The following ST3GAL5 variants were observed in gnomAD, a reference collection of about 807,000 sequenced individuals.
The protein encoded by ST3GAL5 is ST3 beta-galactoside alpha-2,3-sialyltransferase 5.
A neutral mutation model predicts 46.1 loss-of-function variants in ST3GAL5; 25 were observed. The ratio of observed to expected loss-of-function variants is 0.54; its 90% CI spans 0.40 to 0.76. The LOEUF (loss-of-function observed/expected upper bound fraction) is 0.76. Ranked by LOEUF, ST3GAL5 falls within the 30% of genes least tolerant of loss-of-function variation. The pLI, the probability that ST3GAL5 is intolerant of heterozygous loss-of-function variation, is 0.00. For synonymous variants in ST3GAL5, 182 were observed against 192.7 expected, an observed-to-expected ratio of 0.94 and a Z score of 0.46; for missense variants, 431 against 521.2, an observed-to-expected ratio of 0.83 and a Z score of 1.69.
At position 85,888,974 on chromosome 2, in the gene ST3GAL5, C is replaced by A; in HGVS notation, c.-69G>T. 8.4e-7 allele frequency: 1 copy of A among 1,192,564 alleles called. No individual in the cohort carries two copies. The highest frequency in any genetic ancestry group is 4.4e-5 in the Admixed American group (1 of 22,564). 73.9% of individuals were successfully genotyped at this position (1,192,564 alleles called of 1,614,324 possible). ...GCCCCCACCCGCCCCCAGCGCCGCT[C>A]TCGCGCCCATTCAGCTGGGGGCCGC... is the stretch of plus-strand genomic sequence containing the variant. On this transcript the variant is annotated 5_prime_UTR_variant, in exon 1 of 7. Transcript: ENST00000638572.
In ST3GAL5 at chr2:85,886,744, C is replaced by T. The variant is rs73945532; in HGVS notation, c.82+2080G>A. On this transcript the variant is annotated intron_variant, in intron 1 of 6. Transcript: ENST00000638572. ...TCATATTTATGGTTTCCTCCCACAC[C>T]AGGCCTGTGATTCACCCCACTTTGG... is the stretch of plus-strand genomic sequence containing the variant. 9.9e-3 allele frequency among the ~76,000 whole-genome samples: 1,510 copies of T among 152,280 alleles called. 24 individuals carry two copies. Among genetic ancestry groups the T allele is most frequent in the African/African-American group, 0.033 (1,377 of 41,546 alleles).
chr2:85,840,314 A>G lies in ST3GAL5; in HGVS notation c.1087T>C (p.Tyr363His), dbSNP rs1299373911. Residue 363 changes from tyrosine (Y) to histidine (H), a missense_variant, in exon 7 of 7, where the codon TAT becomes CAT. Physicochemically the swap from Tyr to His is moderately conservative, Grantham distance 83. Coordinates refer to ENST00000638572, the MANE Select transcript of ST3GAL5 (RefSeq NM_003896.4). ...GGTGTTCTGGGTTGATTGAGGTCAT[A>G]TCCAAAACCCGCCAAACTGACTTCA... ...CDEVSLAGFG[Y>H]DLNQPRTPLH... 1 of 1,614,018 alleles carries G rather than the reference A, an allele frequency of 6.2e-7. No individual in the cohort carries two copies. The highest frequency in any genetic ancestry group is 1.3e-5 in the African/African-American group (1 of 75,036).
chr2:85,864,862 C>CT (rs1685124952), intron 1 of ST3GAL5, among the ~76,000 whole-genome samples: 1 of 152,168 alleles, frequency 6.6e-6, no homozygotes, highest in Non-Finnish European at 1.5e-5. Flanking sequence ...GGACTCAAGA[C>CT]TAAGTTTTAG....
intron 1 of ST3GAL5, chr2:85,870,219 G>C (rs750687295): frequency 1.0e-4 from 49 of 470,876 alleles, no homozygotes; most frequent in Non-Finnish European, 8.8e-6. Context: ...TTCCATGCAA[G>C]CAGGGGTCTC....
intron 1 of ST3GAL5, among the ~76,000 whole-genome samples, chr2:85,868,415 C>T (rs1685524133): frequency 2.0e-5 from 3 of 152,134 alleles, no homozygotes; most frequent in Admixed American, 2.0e-4. Flanking sequence ...CATCTTCCCA[C>T]CTCAGCCTCC....
intron 1 of ST3GAL5, among the ~76,000 whole-genome samples, chr2:85,867,441 T>C (rs944058153): frequency 2.0e-5 from 3 of 151,636 alleles, no homozygotes; most frequent in Admixed American, 6.6e-5. Flanking sequence ...AAAAAGGCAG[T>C]TTTATAAAAA....
chr2:85,846,305 G>A, intron 5 of ST3GAL5, 72 bp downstream of exon 5: 1 of 1,384,756 alleles, frequency 7.2e-7, no homozygotes. Context: ...AAAATAAAAG[G>A]CTATAATTAC....
chr2:85,887,712 G>A (rs2104273315), intron 1 of ST3GAL5: 1 of 152,368 alleles, frequency 6.6e-6, no homozygotes, highest in South Asian at 2.1e-4. Context: ...GCCCCTTCAT[G>A]CAGCAGAAAT....
chr2:85,880,655 C>A (rs1687041094), intron 1 of ST3GAL5, among the ~76,000 whole-genome samples: 1 of 152,076 alleles, frequency 6.6e-6, no homozygotes, highest in African/African-American at 2.4e-5. Flanking sequence ...AAAACCCTGT[C>A]TCTACTAAAA....
At chr2:85,883,692 C>T (rs1406069124) in intron 1 of ST3GAL5, among the ~76,000 whole-genome samples, 1 of 152,198 alleles carries the variant, frequency 6.6e-6, no homozygotes, top group African/African-American at 2.4e-5. Flanking sequence ...CAGGAGGGCA[C>T]AGCACCCTGA....
At chr2:85,845,977 C>T (rs3770097) in intron 5 of ST3GAL5, 37,838 of 206,576 alleles carry the variant, frequency 0.18, 4,244 homozygotes, top group South Asian at 0.31. Context: ...GGGTGGATCT[C>T]CTGAGGTCAG....
intron 4 of ST3GAL5, chr2:85,846,901 C>T (rs1682859292): frequency 4.4e-6 from 1 of 227,140 alleles, no homozygotes; most frequent in African/African-American, 2.3e-5. Context: ...GATGTTAGTT[C>T]TTGCCAGAAT....
chr2:85,863,229 T>C (rs892491685), intron 2 of ST3GAL5, 133 bp downstream of exon 2: 2 of 1,535,452 alleles, frequency 1.3e-6, no homozygotes, highest in Non-Finnish European at 1.8e-6. Context: ...TGCCTTTGAA[T>C]GTCTGAGGCA....
intron 1 of ST3GAL5, among the ~76,000 whole-genome samples, chr2:85,882,555 A>G (rs1461594551): frequency 2.6e-5 from 4 of 152,166 alleles, no homozygotes; most frequent in African/African-American, 9.7e-5. Flanking sequence ...GATTTGGGCC[A>G]GGTGTAGTAG....
rs1290987686 is a variant in ST3GAL5, at chr2:85,861,162, C to T, written c.318+19G>A. On this transcript the variant is annotated intron_variant, in intron 3 of 6. Transcript: ENST00000638572. ...CTTGGCAATGTTTTCATTTAAACCA[C>T]ACCAATGGGATATCTAACCTTTACA... 6.8e-7 allele frequency: 1 copy of T among 1,478,398 alleles called. No individual in the cohort carries two copies. Among genetic ancestry groups the T allele is most frequent in the Non-Finnish European group, 9.5e-7 (1 of 1,057,404 alleles). 91.6% of individuals were successfully genotyped at this position (1,478,398 alleles called of 1,614,324 possible).
intron 4 of ST3GAL5, 66 bp from the exon 5 acceptor site, chr2:85,846,629 G>T: frequency 6.6e-7 from 1 of 1,504,106 alleles, no homozygotes; most frequent in Non-Finnish European, 9.2e-7. Flanking sequence ...TGTACACCAG[G>T]CAGTATCCAT....
intron 1 of ST3GAL5, chr2:85,866,270 T>C (rs1685277533): frequency 6.6e-6 from 1 of 152,220 alleles, no homozygotes; most frequent in South Asian, 2.1e-4. Context: ...TGTTCAGCCA[T>C]AAGATGAAAA....
At chr2:85,847,420 T>C in intron 4 of ST3GAL5, 2 of 1,009,098 alleles carry the variant, frequency 2.0e-6, no homozygotes, top group Non-Finnish European at 2.4e-6. Context: ...AGGGTCAGTA[T>C]GACAGTTTGG....
intron 1 of ST3GAL5, among the ~76,000 whole-genome samples, chr2:85,864,941 T>C (rs2104094745): frequency 6.6e-6 from 1 of 152,332 alleles, no homozygotes; most frequent in South Asian, 2.1e-4. Context: ...CTCTGGCTTC[T>C]CCTGTATCCC....
Sources: allele counts gnomAD v4.1 joint callset (sites outside exome capture counted in the v4.1 genomes callset), GRCh38; gene constraint gnomAD v4.1.1; transcripts MANE v1.5; gene names NCBI Gene and HGNC (gene_info 2026-07-23, HGNC 2026-07-21).